Variants in RYR2 observed in about 807,000 individuals in gnomAD.
The protein encoded by RYR2 is ryanodine receptor 2.
Under a neutral mutation model 601.1 loss-of-function variants are expected in RYR2, and 227 were observed. The observed-to-expected ratio is 0.38, with a 90% confidence interval of 0.34 to 0.42. The LOEUF (loss-of-function observed/expected upper bound fraction) is 0.42. RYR2 is among the 10% of genes least tolerant of loss of function. The pLI is 1.00. For synonymous variants in RYR2, 2,223 were observed against 2,175.1 expected (o/e 1.02, Z -0.61); for missense variants, 4,646 against 6,156.5 (o/e 0.75, Z 8.21).
At chr1:237,176,445 G>T (rs2148930242) in intron 1 of RYR2, among the ~76,000 whole-genome samples, 1 of 151,476 alleles carries the variant, frequency 6.6e-6, no homozygotes, top group African/African-American at 2.4e-5. Flanking sequence ...AAACATGTAT[G>T]GTTCTTATGA....
At chr1:237,808,600 C>T (rs1660904649) in intron 99 of RYR2, among the ~76,000 whole-genome samples, 2 of 149,030 alleles carry the variant, frequency 1.3e-5, no homozygotes, top group African/African-American at 4.9e-5. Context: ...GCAGAGGTTG[C>T]AGTGAGCTCA....
At chr1:237,589,504 G>A (rs901434116) in intron 29 of RYR2, among the ~76,000 whole-genome samples, 24 of 152,148 alleles carry the variant, frequency 1.6e-4, no homozygotes, top group African/African-American at 5.8e-4. Context: ...ATCCCCGGAG[G>A]ACCAGGGGCT....
At chr1:237,069,790 A>C (rs1664080571) in intron 1 of RYR2, among the ~76,000 whole-genome samples, 1 of 152,182 alleles carries the variant, frequency 6.6e-6, no homozygotes, top group Non-Finnish European at 1.5e-5. Context: ...CTATTTCTCA[A>C]GGAATAGATT....
intron 5 of RYR2, among the ~76,000 whole-genome samples, chr1:237,366,155 G>A (rs1053007892): frequency 3.2e-4 from 48 of 152,320 alleles, no homozygotes; most frequent in African/African-American, 1.1e-3. Flanking sequence ...CCAGATGGAT[G>A]CTTTCTTGTT....
In RYR2 at chr1:237,417,143, A is replaced by G. The variant is rs1315117378; in HGVS notation, c.848+20A>G. ...AGTTGCGTAAGTAGAACTTCTAAAC[A>G]CAGCCTAATGCACCAAGTGTACCAA... On this transcript the variant is annotated intron_variant, in intron 11 of 104. Coordinates refer to ENST00000366574, the MANE Select transcript of RYR2 (RefSeq NM_001035.3). The G allele has an allele frequency of 1.9e-6, 3 of 1,585,326 alleles. No individual in the cohort carries two copies. Among genetic ancestry groups the G allele is most frequent in the East Asian group, 2.2e-5 (1 of 44,712 alleles).
At chr1:237,595,108 C>T (rs532214533) in intron 33 of RYR2, among the ~76,000 whole-genome samples, 39 of 142,824 alleles carry the variant, frequency 2.7e-4, no homozygotes, top group African/African-American at 9.5e-4. Flanking sequence ...TAAAACAAAA[C>T]AAAACAAAAA....
intron 36 of RYR2, among the ~76,000 whole-genome samples, chr1:237,613,408 T>C (rs1678104225): frequency 6.6e-6 from 1 of 152,202 alleles, no homozygotes; most frequent in South Asian, 2.1e-4. Context: ...TGATGAACAA[T>C]TGAATGACAA....
intron 10 of RYR2, among the ~76,000 whole-genome samples, chr1:237,407,103 T>G (rs1405501282): frequency 6.6e-6 from 1 of 152,228 alleles, no homozygotes; most frequent in South Asian, 2.1e-4. Context: ...GATTCCAAAC[T>G]GGCTTCTTTC....
At chr1:237,392,642 A>G (rs1309943811) in intron 10 of RYR2, among the ~76,000 whole-genome samples, 1 of 151,640 alleles carries the variant, frequency 6.6e-6, no homozygotes, top group African/African-American at 2.4e-5. Flanking sequence ...TAAAATATCA[A>G]CAAAGGCATT....
At chr1:237,498,931 T>G (rs945908337) in intron 20 of RYR2, among the ~76,000 whole-genome samples, 4 of 152,238 alleles carry the variant, frequency 2.6e-5, no homozygotes. Context: ...GTATTTTCTC[T>G]TAAGCCACTG....
chr1:237,443,749 A>G (rs967403881), intron 13 of RYR2, among the ~76,000 whole-genome samples: 2 of 152,108 alleles, frequency 1.3e-5, no homozygotes, highest in African/African-American at 4.8e-5. Flanking sequence ...CTTTTTTTCA[A>G]CCATTTAAAA....
intron 29 of RYR2, among the ~76,000 whole-genome samples, chr1:237,575,411 C>T (rs1342658743): frequency 6.6e-6 from 1 of 152,072 alleles, no homozygotes; most frequent in Non-Finnish European, 1.5e-5. Flanking sequence ...TATATTAAAG[C>T]CATGATTTTT....
intron 13 of RYR2, among the ~76,000 whole-genome samples, chr1:237,442,473 A>G (rs1474412211): frequency 2.0e-5 from 3 of 152,136 alleles, no homozygotes; most frequent in Non-Finnish European, 4.4e-5. Context: ...GTGTGTATGC[A>G]GTCAGACATC....
intron 29 of RYR2, among the ~76,000 whole-genome samples, chr1:237,579,617 A>G (rs188015997): frequency 6.2e-4 from 94 of 152,262 alleles, no homozygotes; most frequent in Non-Finnish European, 2.9e-5. Flanking sequence ...ACTATTATTA[A>G]TTTAATAGGA....
At chr1:237,696,140 G>T (rs1687407100) in intron 63 of RYR2, among the ~76,000 whole-genome samples, 1 of 152,058 alleles carries the variant, frequency 6.6e-6, no homozygotes, top group African/African-American at 2.4e-5. Context: ...AAGTATCCCT[G>T]GCCACCCCTC....
chr1:237,396,344 C>T lies in RYR2; in HGVS notation c.773+8161C>T, dbSNP rs546349638. Among the ~76,000 whole-genome samples, 91 of 152,274 alleles carry T rather than the reference C, an allele frequency of 6.0e-4. 2 individuals carry two copies. The highest frequency in any genetic ancestry group is 3.4e-3 in the Admixed American group (52 of 15,298). On this transcript the variant is annotated intron_variant, in intron 10 of 104. Transcript: ENST00000366574. ...GTAACTCTACATACGGGAAGAGTCT[C>T]TGGACCAATAGAATAGGAATCTGAA...
At chr1:237,256,852 A>G (rs980948593) in intron 1 of RYR2, among the ~76,000 whole-genome samples, 4 of 152,090 alleles carry the variant, frequency 2.6e-5, no homozygotes, top group African/African-American at 9.7e-5. Context: ...TTTACCAAAA[A>G]TTTGAGTGAC....
chr1:237,501,023 C>T, intron 21 of RYR2, 120 bp downstream of exon 21: 1 of 959,452 alleles, frequency 1.0e-6, no homozygotes, highest in Non-Finnish European at 1.6e-6. Flanking sequence ...GGGCACCTGT[C>T]CTCTGCGCAT....
intron 24 of RYR2, among the ~76,000 whole-genome samples, chr1:237,527,389 C>G (rs1667700563): frequency 6.6e-6 from 1 of 152,198 alleles, no homozygotes; most frequent in Admixed American, 6.5e-5. Context: ...TGTGTTGGCA[C>G]TATGCCCCAG....
Sources: allele counts gnomAD v4.1 joint callset (sites outside exome capture counted in the v4.1 genomes callset), GRCh38; gene constraint gnomAD v4.1.1; transcripts MANE v1.5; gene names NCBI Gene and HGNC (gene_info 2026-07-23, HGNC 2026-07-21).